The following AKR1D1 variants were observed in gnomAD, a reference collection of about 807,000 sequenced individuals.
AKR1D1 encodes aldo-keto reductase family 1 member D1, also known as delta(4)-3-ketosteroid 5-beta-reductase.
AKR1D1 carries 32 observed loss-of-function variants against 42.6 expected under a neutral mutation model. That is an observed-to-expected ratio of 0.75 (90% CI 0.57 to 1.01). AKR1D1 has a LOEUF of 1.01. AKR1D1 is among the 50% of genes least tolerant of loss of function. The pLI is 0.00. For missense variants in AKR1D1, 364 were observed against 402.2 expected (o/e 0.91, Z 0.81); for synonymous variants, 123 against 135.5 (o/e 0.91, Z 0.64).
At chr7:138,099,538 GA>G (rs1290339674) in intron 4 of AKR1D1, among the ~76,000 whole-genome samples, 1 of 152,006 alleles carries the variant, frequency 6.6e-6, no homozygotes, top group Non-Finnish European at 1.5e-5. Flanking sequence ...ATAAATAGAA[GA>G]AAATGGTCAA....
chr7:138,116,912 A>G lies in AKR1D1; in HGVS notation c.*250A>G. 1 of 465,860 alleles carries G rather than the reference A, an allele frequency of 2.1e-6. No individual in the cohort carries two copies. Among genetic ancestry groups the G allele is most frequent in the Non-Finnish European group, 3.8e-6 (1 of 263,734 alleles). The allele number at this position is 465,860 out of a possible 1,614,324, so 28.9% of individuals were successfully genotyped here. The stretch of plus-strand genomic sequence containing the variant: ...ATTTTTTCAGATCAGTATCTTCTAG[A>G]TTCCAGACAGAAAAAAATTACACTT... On this transcript the variant is annotated 3_prime_UTR_variant, in exon 9 of 9. Coordinates refer to ENST00000242375, the MANE Select transcript of AKR1D1 (RefSeq NM_005989.4).
rs1562931768 is a variant in AKR1D1 at position 138,088,732 on chromosome 7, A to T, written c.225A>T (p.Gly75=). 2 of 1,610,696 alleles carry T rather than the reference A, an allele frequency of 1.2e-6. No individual in the cohort carries two copies. Among genetic ancestry groups the T allele is most frequent in the East Asian group, 4.5e-5 (2 of 44,814 alleles). The change falls in exon 2 of 9, where the codon GGA becomes GGT. Residue 75 remains glycine (G), a synonymous_variant. Coordinates refer to ENST00000242375, the MANE Select transcript of AKR1D1 (RefSeq NM_005989.4). ...GEAIREKIAE[G]KVRREDIFYC... Reference sequence around the variant, plus strand: ...CCATCAGGGAGAAGATAGCAGAAGGAAAGGTGCGGAGGGAAGATATCTTCT... The same window carrying T: ...CCATCAGGGAGAAGATAGCAGAAGGTAAGGTGCGGAGGGAAGATATCTTCT...
intron 1 of AKR1D1, among the ~76,000 whole-genome samples, chr7:138,087,917 G>C (rs544763935): frequency 6.7e-6 from 1 of 149,294 alleles, no homozygotes; most frequent in Non-Finnish European, 1.5e-5. Flanking sequence ...TTGAGACAGG[G>C]TCTGTCTATG....
In AKR1D1 at chr7:138,088,375, C is replaced by G. The variant is rs558650460; in HGVS notation, c.94-226C>G. 7.5e-4 allele frequency among the ~76,000 whole-genome samples: 114 copies of G among 152,280 alleles called. 1 individual carries two copies. The South Asian group carries it at 8.1e-3, about 11-fold the overall frequency. ...AAATCACATTTTTGATGCCACGAAG[C>G]TGAGGGCAGACCTGGGACAGATGGT... On this transcript the variant is annotated intron_variant, in intron 1 of 8. Coordinates refer to ENST00000242375, the MANE Select transcript of AKR1D1 (RefSeq NM_005989.4).
At chr7:138,086,113 G>A (rs1376156537) in intron 1 of AKR1D1, among the ~76,000 whole-genome samples, 2 of 152,098 alleles carry the variant, frequency 1.3e-5, no homozygotes, top group East Asian at 3.9e-4. Context: ...TGAGGTGGAA[G>A]AATCACTTGA....
At chr7:138,107,934 T>C (rs941675680) in intron 7 of AKR1D1, among the ~76,000 whole-genome samples, 2 of 152,198 alleles carry the variant, frequency 1.3e-5, no homozygotes, top group African/African-American at 4.8e-5. Flanking sequence ...TCCTTCCACC[T>C]TGACCTCCCA....
intron 3 of AKR1D1, among the ~76,000 whole-genome samples, chr7:138,096,216 AAAC>A (rs1252152847): frequency 3.9e-5 from 6 of 152,112 alleles, no homozygotes; most frequent in South Asian, 2.1e-4. Context: ...AAAAACAAAC[AAAC>A]AACAACAACG....
At chr7:138,106,740 T>C (rs1233816051) in intron 6 of AKR1D1, 23 bp downstream of exon 6, 4 of 1,547,706 alleles carry the variant, frequency 2.6e-6, no homozygotes, top group Non-Finnish European at 3.6e-6. Flanking sequence ...TTAGGAAGCA[T>C]TTCCTTTGGT....
chr7:138,088,804 G>A (rs1240175524), intron 2 of AKR1D1, 36 bp downstream of exon 2: 2 of 1,562,044 alleles, frequency 1.3e-6, no homozygotes, highest in Non-Finnish European at 1.7e-6. Context: ...TGGGGACAGT[G>A]AGAAGGTTTC....
intron 2 of AKR1D1, among the ~76,000 whole-genome samples, chr7:138,090,636 C>CAAAAAA (rs201055784): frequency 2.2e-5 from 2 of 91,490 alleles, no homozygotes; most frequent in Admixed American, 1.3e-4. Flanking sequence ...GACCCCGTCT[C>CAAAAAA]AAAAAAAAAA....
At chr7:138,078,204 C>T (rs890567101) in intron 1 of AKR1D1, among the ~76,000 whole-genome samples, 4 of 152,134 alleles carry the variant, frequency 2.6e-5, no homozygotes, top group East Asian at 1.9e-4. Context: ...TCAAGCGATC[C>T]GCCCGCCTCA....
At chr7:138,105,253 C>G in intron 4 of AKR1D1, 54 bp from the exon 5 acceptor site, 1 of 1,612,934 alleles carries the variant, frequency 6.2e-7, no homozygotes, top group Non-Finnish European at 8.5e-7. Context: ...TATAAACATT[C>G]ATTCTTGCTT....
At chr7:138,077,005 C>T (rs147703737) in intron 1 of AKR1D1, among the ~76,000 whole-genome samples, 34 of 151,990 alleles carry the variant, frequency 2.2e-4, no homozygotes, top group African/African-American at 7.5e-4. Context: ...AAGCACTAGG[C>T]GATAGAAGTG....
intron 8 of AKR1D1, 80 bp downstream of exon 8, chr7:138,113,852 C>T: frequency 7.9e-7 from 1 of 1,258,422 alleles, no homozygotes; most frequent in Non-Finnish European, 1.2e-6. Context: ...TCATAAGAAC[C>T]CTGACCTATG....
At position 138,118,227 on chromosome 7, in the gene AKR1D1, A is replaced by G. The variant is rs1162422303; in HGVS notation, c.*1565A>G. Reference sequence around the variant, plus strand: ...ATACTGATTGTTTTCACTGATTCCAATATTATTACTTATAACACTGACCTC... The same window carrying G: ...ATACTGATTGTTTTCACTGATTCCAGTATTATTACTTATAACACTGACCTC... On this transcript the variant is annotated 3_prime_UTR_variant, in exon 9 of 9. Transcript: ENST00000242375. 6.6e-6 allele frequency among the ~76,000 whole-genome samples: 1 copy of G among 152,184 alleles called. No homozygotes were observed. The highest frequency in any genetic ancestry group is 1.5e-5 in the Non-Finnish European group (1 of 68,036).
At chr7:138,091,381 G>A (rs1364481599) in intron 2 of AKR1D1, 1 of 278,204 alleles carries the variant, frequency 3.6e-6, no homozygotes, top group African/African-American at 2.2e-5. Context: ...AGGGTTTTTA[G>A]GTCAAGTGTA....
Position 138,107,690 on chromosome 7 carries a change from T to C in AKR1D1, c.855+110T>C, listed in dbSNP as rs1794461738. ...ACCTGTAACACTCTCATATTTTATT[T>C]TATACCAGCCCCTTGACCCATGTAG... On this transcript the variant is annotated intron_variant, in intron 7 of 8. Transcript: ENST00000242375. 35 of 1,203,878 alleles carry C rather than the reference T, an allele frequency of 2.9e-5. 1 individual carries two copies. The South Asian group carries it at 4.5e-4, about 15-fold the overall frequency. 74.6% of individuals were successfully genotyped at this position (1,203,878 alleles called of 1,614,324 possible).
At chr7:138,079,414 T>C (rs1238716150) in intron 1 of AKR1D1, among the ~76,000 whole-genome samples, 1 of 152,154 alleles carries the variant, frequency 6.6e-6, no homozygotes. Flanking sequence ...AAGCAATGCC[T>C]TATTTTCCTC....
intron 3 of AKR1D1, among the ~76,000 whole-genome samples, chr7:138,095,577 G>A (rs1406404764): frequency 6.6e-6 from 1 of 152,192 alleles, no homozygotes; most frequent in Non-Finnish European, 1.5e-5. Context: ...CCAGACTGGA[G>A]TGCAGTGGCA....
Sources: allele counts gnomAD v4.1 joint callset (sites outside exome capture counted in the v4.1 genomes callset), GRCh38; gene constraint gnomAD v4.1.1; transcripts MANE v1.5; gene names NCBI Gene and HGNC (gene_info 2026-07-23, HGNC 2026-07-21).